NXPE3: variants seen among roughly 807,000 people sequenced by gnomAD.
The protein encoded by NXPE3 is NXPE family member 3.
A neutral mutation model predicts 46.1 loss-of-function variants in NXPE3; 26 were observed. The observed-to-expected ratio is 0.56, with a 90% CI of 0.41 to 0.78. The LOEUF is 0.78. Among genes scored for constraint, NXPE3 ranks in the 30% least tolerant of loss-of-function variants. The probability of loss-of-function intolerance (pLI) is 0.00; values close to 1 mark genes in which losing one functional copy is unlikely to be tolerated. For missense variants in NXPE3, 620 were observed against 686.0 expected (o/e 0.90, Z 1.07); for synonymous variants, 272 against 257.9 (o/e 1.05, Z -0.52).
At chr3:101,791,819 G>GC (rs34745228) in intron 4 of NXPE3, among the ~76,000 whole-genome samples, 46,759 of 151,954 alleles carry the variant, frequency 0.31, 7,400 homozygotes, top group Non-Finnish European at 0.34. Flanking sequence ...TAATAAGATT[G>GC]CTGGTGGAAT....
chr3:101,798,274 C>T (rs1241119729), intron 4 of NXPE3, among the ~76,000 whole-genome samples: 1 of 152,172 alleles, frequency 6.6e-6, no homozygotes, highest in Non-Finnish European at 1.5e-5. Flanking sequence ...GGACTTACCA[C>T]ATGTGATAAT....
At chr3:101,812,584 C>T (rs904466001) in intron 6 of NXPE3, among the ~76,000 whole-genome samples, 24 of 151,756 alleles carry the variant, frequency 1.6e-4, no homozygotes, top group African/African-American at 4.4e-4. Context: ...GAGGCCGAGG[C>T]GGGTGGGTCA....
At chr3:101,809,811 T>G (rs998001066) in intron 6 of NXPE3, among the ~76,000 whole-genome samples, 7 of 152,242 alleles carry the variant, frequency 4.6e-5, no homozygotes, top group African/African-American at 1.7e-4. Context: ...TGTCATCCTG[T>G]GTGCTGTCAT....
intron 6 of NXPE3, among the ~76,000 whole-genome samples, chr3:101,810,920 C>T (rs757176117): frequency 4.6e-5 from 7 of 152,014 alleles, no homozygotes; most frequent in Admixed American, 3.9e-4. Flanking sequence ...ACCTCTGCCT[C>T]CTGTGTTCAA....
chr3:101,822,071 G>C lies in NXPE3; in HGVS notation c.*117G>C. The C allele has an allele frequency of 1.2e-6, 1 of 858,528 alleles. No homozygotes were observed. Among genetic ancestry groups the C allele is most frequent in the African/African-American group, 1.7e-5 (1 of 58,980 alleles). 53.2% of individuals were successfully genotyped at this position (858,528 alleles called of 1,614,324 possible). On this transcript the variant is annotated 3_prime_UTR_variant, in exon 8 of 8. Coordinates refer to ENST00000273347, the MANE Select transcript of NXPE3 (RefSeq NM_145037.4). ...CTTAATAAGTATAAAATTTCAAAAA[G>C]ATCTGGACTTAATATGATGACTTAT...
At chr3:101,795,028 A>C (rs1276721281) in intron 4 of NXPE3, among the ~76,000 whole-genome samples, 2 of 152,196 alleles carry the variant, frequency 1.3e-5, no homozygotes, top group Non-Finnish European at 2.9e-5. Context: ...TACTGTTGTC[A>C]TGAATTTTAA....
At chr3:101,796,262 C>T (rs1353866592) in intron 4 of NXPE3, among the ~76,000 whole-genome samples, 3 of 152,246 alleles carry the variant, frequency 2.0e-5, no homozygotes, top group Admixed American at 6.5e-5. Context: ...TCACCATGTT[C>T]ACTCCAGCCC....
chr3:101,790,242 A>C (rs570968353), intron 4 of NXPE3, among the ~76,000 whole-genome samples: 1 of 152,198 alleles, frequency 6.6e-6, no homozygotes, highest in Non-Finnish European at 1.5e-5. Flanking sequence ...TTAGATCAAC[A>C]TGGTTCATGG....
chr3:101,821,397 G>A lies in NXPE3; in HGVS notation c.1130-7G>A, dbSNP rs1258047594. ...GTTTTTATGAACTTGAGTTTTCCTT[G>A]TTTCAGATTTAGTGGAGTTTAACTT... On this transcript the variant is annotated splice_region_variant and splice_polypyrimidine_tract_variant and intron_variant, in intron 7 of 7. Coordinates refer to ENST00000273347, the MANE Select transcript of NXPE3 (RefSeq NM_145037.4). 1 of 1,605,870 alleles carries A rather than the reference G, an allele frequency of 6.2e-7. No homozygotes were observed. The highest frequency in any genetic ancestry group is 2.2e-5 in the East Asian group (1 of 44,672).
rs1218229953 is a variant in NXPE3 at position 101,825,496 on chromosome 3, A to G, written c.*3542A>G. On this transcript the variant is annotated 3_prime_UTR_variant, in exon 8 of 8. Coordinates refer to ENST00000273347, the MANE Select transcript of NXPE3 (RefSeq NM_145037.4). Reference sequence around the variant, plus strand: ...ATAATTTTTAAAAACTATAAAATCTAGAAGAAAAATCTATGGATAAAATCC... The same window carrying G: ...ATAATTTTTAAAAACTATAAAATCTGGAAGAAAAATCTATGGATAAAATCC... 6.6e-6 allele frequency: 1 copy of G among 152,250 alleles called. No individual in the cohort carries two copies. Among genetic ancestry groups the G allele is most frequent in the Non-Finnish European group, 1.5e-5 (1 of 68,048 alleles). The allele number at this position is 152,250 out of a possible 1,614,324, so 9.4% of individuals were successfully genotyped here.
At chr3:101,806,312 C>T (rs1312405281) in intron 5 of NXPE3, among the ~76,000 whole-genome samples, 3 of 152,062 alleles carry the variant, frequency 2.0e-5, no homozygotes, top group Non-Finnish European at 4.4e-5. Flanking sequence ...TTTATTGTGA[C>T]TCAGTTTCTG....
Position 101,827,776 on chromosome 3 carries a change from CA to C in NXPE3, c.*5823del, listed in dbSNP as rs558481494. ...GGTACCTTTTTGGTCTGGGAATTTCCAGTGTGCAGAAAAAAAATCCACAAAT... is the reference window on the plus strand; with the variant it reads ...GGTACCTTTTTGGTCTGGGAATTTCCGTGTGCAGAAAAAAAATCCACAAAT... On this transcript the variant is annotated 3_prime_UTR_variant, in exon 8 of 8. Transcript: ENST00000273347. 1.1e-4 allele frequency among the ~76,000 whole-genome samples: 17 copies of C among 152,154 alleles called. No individual in the cohort carries two copies. Among genetic ancestry groups the C allele is most frequent in the Admixed American group, 2.0e-4 (3 of 15,274 alleles).
At chr3:101,807,233 G>C (rs1449616968) in intron 6 of NXPE3, 107 bp downstream of exon 6, 2 of 730,358 alleles carry the variant, frequency 2.7e-6, no homozygotes, top group Non-Finnish European at 2.4e-6. Flanking sequence ...AGTTACTTCT[G>C]GGCACAATTG....
chr3:101,788,054 G>T (rs576218076), intron 4 of NXPE3, among the ~76,000 whole-genome samples: 1 of 152,262 alleles, frequency 6.6e-6, no homozygotes, highest in South Asian at 2.1e-4. Context: ...GCCAGCACTT[G>T]TCATTTTGTT....
intron 3 of NXPE3, among the ~76,000 whole-genome samples, chr3:101,785,054 G>C (rs540132999): frequency 6.6e-6 from 1 of 152,298 alleles, no homozygotes; most frequent in East Asian, 1.9e-4. Flanking sequence ...TTAAAGGGAA[G>C]GGGAAGGGAA....
At chr3:101,817,038 A>G (rs1330597054) in intron 7 of NXPE3, 37 bp downstream of exon 7, 2 of 1,566,192 alleles carry the variant, frequency 1.3e-6, no homozygotes, top group South Asian at 2.2e-5. Context: ...ACTCTTTCCC[A>G]CATCAGCTTT....
chr3:101,818,739 ATATATATATATATATTTTTTTTTTTTTT>A (rs1942091421), intron 7 of NXPE3, among the ~76,000 whole-genome samples: 1 of 29,032 alleles, frequency 3.4e-5, no homozygotes, highest in African/African-American at 1.2e-4. Flanking sequence ...ATATATATAT[ATATATATATATATATTTTTTTTTTTTTT>A]TTTTTTTTTT....
chr3:101,802,498 G>T (rs1421881596), intron 5 of NXPE3, among the ~76,000 whole-genome samples: 1 of 151,812 alleles, frequency 6.6e-6, no homozygotes, highest in Non-Finnish European at 1.5e-5. Context: ...TGGTAGGGCT[G>T]GTAGTCAGGC....
At chr3:101,798,514 T>C (rs1017617394) in intron 4 of NXPE3, among the ~76,000 whole-genome samples, 1 of 146,748 alleles carries the variant, frequency 6.8e-6, no homozygotes, top group Non-Finnish European at 1.5e-5. Flanking sequence ...CACATATATA[T>C]GTATGTGTAT....
Sources: allele counts gnomAD v4.1 joint callset (sites outside exome capture counted in the v4.1 genomes callset), GRCh38; gene constraint gnomAD v4.1.1; transcripts MANE v1.5; gene names NCBI Gene and HGNC (gene_info 2026-07-23, HGNC 2026-07-21).